Variants in TBC1D5 observed in about 807,000 individuals in gnomAD.
The protein encoded by TBC1D5 is TBC1 domain family member 5.
TBC1D5 carries 75 observed loss-of-function variants against 100.3 expected under a neutral mutation model. The ratio of observed to expected loss-of-function variants is 0.75; its 90% CI spans 0.62 to 0.91. The LOEUF (loss-of-function observed/expected upper bound fraction) is 0.91, where lower values mean the gene tolerates loss of function less well. Among genes scored for constraint, TBC1D5 ranks in the 40% least tolerant of loss-of-function variants. The pLI, the probability that TBC1D5 is intolerant of heterozygous loss-of-function variation, is 0.00. For missense variants in TBC1D5, 910 were observed against 942.4 expected, an observed-to-expected ratio of 0.97 and a Z score of 0.45; for synonymous variants, 323 against 325.6, an observed-to-expected ratio of 0.99 and a Z score of 0.09.
intron 4 of TBC1D5, among the ~76,000 whole-genome samples, chr3:17,409,853 AAAG>A (rs1198740096): frequency 3.0e-4 from 45 of 152,182 alleles, no homozygotes; most frequent in African/African-American, 1.1e-3. Context: ...AAGTTTAAGA[AAAG>A]AAGCCATCTC....
chr3:17,735,525 T>A (rs1160037651), intron 1 of TBC1D5, among the ~76,000 whole-genome samples: 1 of 152,186 alleles, frequency 6.6e-6, no homozygotes, highest in Non-Finnish European at 1.5e-5. Context: ...AGCCTTTTGT[T>A]CTCTGACCTG....
intron 15 of TBC1D5, among the ~76,000 whole-genome samples, chr3:17,273,848 C>T (rs2149735490): frequency 6.7e-6 from 1 of 150,226 alleles, no homozygotes; most frequent in African/African-American, 2.4e-5. Flanking sequence ...TGCATATTTT[C>T]CCAGTAACTC....
intron 2 of TBC1D5, among the ~76,000 whole-genome samples, chr3:17,525,602 T>C (rs2096123893): frequency 6.6e-6 from 1 of 152,132 alleles, no homozygotes; most frequent in African/African-American, 2.4e-5. Context: ...AAAATCCATA[T>C]TGGTGATTAA....
chr3:17,642,566 C>T (rs2064625708), intron 1 of TBC1D5, among the ~76,000 whole-genome samples: 1 of 152,094 alleles, frequency 6.6e-6, no homozygotes, highest in South Asian at 2.1e-4. Context: ...TCCACATACT[C>T]GTCAACTAAC....
At chr3:17,220,223 T>A (rs921351170) in intron 17 of TBC1D5, among the ~76,000 whole-genome samples, 6 of 152,288 alleles carry the variant, frequency 3.9e-5, no homozygotes, top group Non-Finnish European at 8.8e-5. Flanking sequence ...TAAATTTAGA[T>A]AAATAATTCC....
intron 17 of TBC1D5, among the ~76,000 whole-genome samples, chr3:17,231,793 C>A (rs1195426091): frequency 6.6e-6 from 1 of 152,158 alleles, no homozygotes; most frequent in Non-Finnish European, 1.5e-5. Context: ...AAAATCATCA[C>A]CACAGACTAA....
At chr3:17,346,794 C>T (rs2089943361) in intron 13 of TBC1D5, among the ~76,000 whole-genome samples, 2 of 152,032 alleles carry the variant, frequency 1.3e-5, no homozygotes. Context: ...TCCATTGTCC[C>T]AAATAGATAA....
At chr3:17,334,026 G>T (rs141861318) in intron 13 of TBC1D5, among the ~76,000 whole-genome samples, 1 of 152,100 alleles carries the variant, frequency 6.6e-6, no homozygotes, top group East Asian at 1.9e-4. Context: ...TGGAGTAAAT[G>T]ATAATGAAAA....
At chr3:17,359,156 C>A (rs1309229871) in intron 13 of TBC1D5, among the ~76,000 whole-genome samples, 1 of 152,078 alleles carries the variant, frequency 6.6e-6, no homozygotes, top group African/African-American at 2.4e-5. Context: ...ACACGTTCCA[C>A]CAGCATTTCA....
intron 13 of TBC1D5, among the ~76,000 whole-genome samples, chr3:17,352,826 C>G (rs1178305852): frequency 1.3e-5 from 2 of 151,958 alleles, no homozygotes; most frequent in Non-Finnish European, 1.5e-5. Flanking sequence ...GTAAAACATG[C>G]CTTTTCATCG....
intron 15 of TBC1D5, among the ~76,000 whole-genome samples, chr3:17,263,277 A>T (rs1254654592): frequency 6.6e-6 from 1 of 150,942 alleles, no homozygotes; most frequent in Admixed American, 6.6e-5. Context: ...GCTGAGGTAG[A>T]ACAGCTTGAG....
chr3:17,214,261 A>G (rs767234746), exon 18 of TBC1D5: 1 of 1,613,460 alleles, frequency 6.2e-7, no homozygotes, highest in Non-Finnish European at 8.5e-7. Flanking sequence ...AGATGTTGCT[A>G]AAAAAGGAAT....
chr3:17,440,236 A>C (rs11128830), intron 3 of TBC1D5, among the ~76,000 whole-genome samples: 2 of 152,102 alleles, frequency 1.3e-5, no homozygotes, highest in African/African-American at 4.8e-5. Flanking sequence ...AAACAGGGCA[A>C]AAAGAGCATC....
chr3:17,599,673 G>T (rs1461443260), intron 2 of TBC1D5, among the ~76,000 whole-genome samples: 1 of 152,130 alleles, frequency 6.6e-6, no homozygotes, highest in East Asian at 1.9e-4. Flanking sequence ...AGTATTAATT[G>T]TAACACACCC....
At chr3:17,684,355 T>C (rs1407394827) in intron 1 of TBC1D5, among the ~76,000 whole-genome samples, 1 of 152,096 alleles carries the variant, frequency 6.6e-6, no homozygotes, top group African/African-American at 2.4e-5. Flanking sequence ...ATGCATAATT[T>C]ACAATTTTAT....
chr3:17,412,315 A>C (rs1463110489), intron 4 of TBC1D5, among the ~76,000 whole-genome samples: 1 of 152,158 alleles, frequency 6.6e-6, no homozygotes, highest in Admixed American at 6.6e-5. Flanking sequence ...TGATACTTCA[A>C]AATTAAAACT....
intron 13 of TBC1D5, among the ~76,000 whole-genome samples, chr3:17,355,130 G>T (rs1436376702): frequency 6.6e-6 from 1 of 152,036 alleles, no homozygotes; most frequent in Non-Finnish European, 1.5e-5. Context: ...ATAAGCCAAG[G>T]TTTTTATAGA....
chr3:17,687,949 A>G (rs2070553146), intron 1 of TBC1D5, among the ~76,000 whole-genome samples: 1 of 152,182 alleles, frequency 6.6e-6, no homozygotes, highest in Non-Finnish European at 1.5e-5. Context: ...ACTGCAGTAA[A>G]AGTTACAACT....
At chr3:17,458,422 G>A (rs560852560) in intron 3 of TBC1D5, among the ~76,000 whole-genome samples, 3 of 152,204 alleles carry the variant, frequency 2.0e-5, no homozygotes, top group South Asian at 2.1e-4. Context: ...TCCTCACCAC[G>A]GAGGGCATTT....
Sources: allele counts gnomAD v4.1 joint callset (sites outside exome capture counted in the v4.1 genomes callset), GRCh38; gene constraint gnomAD v4.1.1; transcripts MANE v1.5; gene names NCBI Gene and HGNC (gene_info 2026-07-23, HGNC 2026-07-21).